Variants in UBQLN3 observed in about 807,000 individuals in gnomAD.
UBQLN3 encodes ubiquilin-3.
In UBQLN3, 1 loss-of-function variant was observed where a neutral mutation model predicts 2.9. The observed-to-expected ratio is 0.35, with a 90% confidence interval of 0.12 to 1.66. UBQLN3 has a LOEUF of 1.66. Ranked by LOEUF, UBQLN3 falls within the 40% of genes most tolerant of loss-of-function variation. The probability of loss-of-function intolerance (pLI) is 0.35; values close to 1 mark genes in which losing one functional copy is unlikely to be tolerated. For missense variants in UBQLN3, 924 were observed against 816.5 expected (o/e 1.13, Z -1.61); for synonymous variants, 358 against 317.6 (o/e 1.13, Z -1.35).
Position 5,507,947 on chromosome 11 carries a change from C to T in UBQLN3, c.1612G>A (p.Ala538Thr). The T allele has an allele frequency of 6.2e-7, 1 of 1,613,970 alleles. No individual in the cohort carries two copies. The highest frequency in any genetic ancestry group is 8.5e-7 in the Non-Finnish European group (1 of 1,180,024). ...ATGAACCAGAGTAGGAGGCGAGGTG[C>T]TTCAGTAGCTAGGACCTGTAGACCC... ...EQGLQVLATE[A>T]PRLLLWFMPC... is the part of the protein sequence containing the mutation. Residue 538 changes from alanine to threonine, a missense_variant, in exon 2 of 2, where the codon GCA (alanine) becomes ACA (threonine). Physicochemically the swap from Ala to Thr is moderately conservative, Grantham distance 58. Transcript: ENST00000311659.
At chr11:5,509,624 C>A (rs1453611294) in intron 1 of UBQLN3, 30 bp from the exon 2 acceptor site, 5 of 1,539,320 alleles carry the variant, frequency 3.2e-6, no homozygotes, top group South Asian at 1.3e-5. Flanking sequence ...AGACCAAGAT[C>A]ATCCTTTCAG....
In UBQLN3 at chr11:5,508,681, G is replaced by A. The variant is rs187834434; in HGVS notation, c.878C>T (p.Pro293Leu). The change falls in exon 2 of 2, where the codon CCT becomes CTT. Residue 293 changes from proline (P) to leucine (L), a missense_variant. Physicochemically the swap from Pro to Leu is moderately conservative, Grantham distance 98 (BLOSUM62 -3). Coordinates refer to ENST00000311659, the MANE Select transcript of UBQLN3 (RefSeq NM_017481.4). This position sits in a 1 kb window ranked among gnomAD's most constrained non-coding sequence, Gnocchi z 4.2. ...TDNATTTTSQPSRMENCDPLP... is the reference protein window; with the variant it reads ...TDNATTTTSQLSRMENCDPLP... ...AGGGTCACAATTCTCCATCCTTGAA[G>A]GTTGGCTGGTGGTGGTGGTGGCATT... 19 of 1,614,096 alleles carry A rather than the reference G, an allele frequency of 1.2e-5. No individual in the cohort carries two copies. The highest frequency in any genetic ancestry group is 1.6e-4 in the Middle Eastern group (1 of 6,062).
At position 5,508,170 on chromosome 11, in the gene UBQLN3, G is replaced by T. The variant is rs543749716; in HGVS notation, c.1389C>A (p.Ser463=). 1 of 1,614,176 alleles carries T rather than the reference G, an allele frequency of 6.2e-7. No individual in the cohort carries two copies. The highest frequency in any genetic ancestry group is 1.3e-5 in the African/African-American group (1 of 75,040). Residue 463 remains serine (S), a synonymous_variant, in exon 2 of 2, where the codon TCC becomes TCA. Transcript: ENST00000311659. This position sits in a 1 kb window ranked among gnomAD's most constrained non-coding sequence, Gnocchi z 4.2. ...GGATTCCAGGAATGGCTGCCGTGGG[G>T]GAAAAAGATAAGGGAGCAAATGGAA... The part of the protein sequence containing the change: ...NRVPFAPLSF[S]PTAAIPGIPE...
Position 5,507,492 on chromosome 11 carries a change from G to C in UBQLN3, c.*99C>G. ...CAGCAAAGGACTTCATAGTAAATTT[G>C]GTTTATAATGCAGCTGTATTCAAAA... On this transcript the variant is annotated 3_prime_UTR_variant, in exon 2 of 2. Transcript: ENST00000311659. 6.6e-7 allele frequency: 1 copy of C among 1,508,222 alleles called. No individual in the cohort carries two copies. The highest frequency in any genetic ancestry group is 8.9e-7 in the Non-Finnish European group (1 of 1,129,766). The allele number at this position is 1,508,222 out of a possible 1,614,324, so 93.4% of individuals were successfully genotyped here.
Position 5,508,842 on chromosome 11 carries a change from C to T in UBQLN3, c.717G>A (p.Arg239=), listed in dbSNP as rs1289382129. ...MMQEMIRSQD[R]VLSNLESIPG... ...GAATGCTCTCCAAGTTACTGAGCAC[C>T]CGGTCCTGGCTACGTATCATCTCCT... is the stretch of plus-strand genomic sequence containing the variant. Residue 239 remains arginine, a synonymous_variant, in exon 2 of 2, where the codon CGG becomes CGA. Transcript: ENST00000311659. The surrounding 1 kb of genome is among the most constrained non-coding windows in gnomAD (Gnocchi z 4.2). The T allele has an allele frequency of 1.2e-6, 2 of 1,614,160 alleles. No individual in the cohort carries two copies. Among genetic ancestry groups the T allele is most frequent in the South Asian group, 2.2e-5 (2 of 91,080 alleles).
In UBQLN3 at chr11:5,508,758, G is replaced by C. The variant is rs139419565; in HGVS notation, c.801C>G (p.Asn267Lys). 2 of 1,614,078 alleles carry C rather than the reference G, an allele frequency of 1.2e-6. No homozygotes were observed. The highest frequency in any genetic ancestry group is 1.7e-6 in the Non-Finnish European group (2 of 1,180,022). ...MYTDIMDPML[N>K]AVQEQFGGNP... ...TGCCGCCAAACTGCTCCTGGACTGC[G>C]TTAAGCATTGGGTCCATAATATCTG... The change falls in exon 2 of 2, where the codon AAC becomes AAG. Residue 267 changes from asparagine (N) to lysine (K), a missense_variant. By Grantham distance (94) the Asn-to-Lys change is moderately conservative. Transcript: ENST00000311659. The surrounding 1 kb of genome is among the most constrained non-coding windows in gnomAD (Gnocchi z 4.2).
chr11:5,508,874 TGGCAGGG>T lies in UBQLN3; in HGVS notation c.678_684del (p.Asn226LysfsTer2). On this transcript the variant is annotated frameshift_variant, in exon 2 of 2. Transcript: ENST00000311659. LOFTEE classifies it low-confidence loss of function (END_TRUNC). This position sits in a 1 kb window ranked among gnomAD's most constrained non-coding sequence, Gnocchi z 4.2. ...TGGCTACGTATCATCTCCTGCATCA[TGGCAGGG>T]TTACGTAAAAACTCCAGTGTCTGCC... 6.2e-7 allele frequency: 1 copy of T among 1,614,222 alleles called. No homozygotes were observed. The highest frequency in any genetic ancestry group is 8.5e-7 in the Non-Finnish European group (1 of 1,180,048).
Position 5,509,092 on chromosome 11 carries a change from G to C in UBQLN3, c.467C>G (p.Ser156Cys). 1 of 1,614,174 alleles carries C rather than the reference G, an allele frequency of 6.2e-7. No individual in the cohort carries two copies. Among genetic ancestry groups the C allele is most frequent in the Non-Finnish European group, 8.5e-7 (1 of 1,180,030 alleles). ...AYRGFPDQPS[S>C]LMRQHVSVPE... The stretch of plus-strand genomic sequence containing the variant: ...CACAGACACATGCTGCCGCATCAGG[G>C]AGCTTGGCTGGTCAGGGAAGCCACG... The change falls in exon 2 of 2, where the codon TCC becomes TGC. Residue 156 changes from serine (S) to cysteine (C), a missense_variant. Coordinates refer to ENST00000311659, the MANE Select transcript of UBQLN3 (RefSeq NM_017481.4).
chr11:5,507,943 G>C lies in UBQLN3; in HGVS notation c.1616C>G (p.Pro539Arg). ...QGLQVLATEA[P>R]RLLLWFMPCL... ...AGGCATGAACCAGAGTAGGAGGCGAGGTGCTTCAGTAGCTAGGACCTGTAG... is the reference window on the plus strand; with the variant it reads ...AGGCATGAACCAGAGTAGGAGGCGACGTGCTTCAGTAGCTAGGACCTGTAG... Residue 539 changes from proline (P) to arginine (R), a missense_variant, in exon 2 of 2, where the codon CCT (proline) becomes CGT (arginine). By Grantham distance (103) the Pro-to-Arg change is moderately radical. Coordinates refer to ENST00000311659, the MANE Select transcript of UBQLN3 (RefSeq NM_017481.4). The C allele has an allele frequency of 6.2e-7, 1 of 1,613,956 alleles. No individual in the cohort carries two copies. Among genetic ancestry groups the C allele is most frequent in the East Asian group, 2.2e-5 (1 of 44,856 alleles).
In UBQLN3 at chr11:5,509,545, C is replaced by CAG; in HGVS notation, c.13_14insCT (p.Gly5AlafsTer21). 1 of 1,612,902 alleles carries CAG rather than the reference C, an allele frequency of 6.2e-7. No individual in the cohort carries two copies. Among genetic ancestry groups the CAG allele is most frequent in the East Asian group, 2.2e-5 (1 of 44,860 alleles). ...TGGGCTGCCCTGTGGCAGGGCTTCT[C>CAG]CACCTTTGGCCATGGTGGCAGCAGG... On this transcript the variant is annotated frameshift_variant, in exon 2 of 2. Transcript: ENST00000311659. LOFTEE classifies it low-confidence loss of function (END_TRUNC).
Position 5,509,076 on chromosome 11 carries a change from A to C in UBQLN3, c.483T>G (p.His161Gln). The change falls in exon 2 of 2, where the codon CAT (histidine) becomes CAG (glutamine). Residue 161 changes from histidine to glutamine, a missense_variant. Physicochemically the swap from His to Gln is conservative, Grantham distance 24. Transcript: ENST00000311659. Reference sequence around the variant, plus strand: ...GAGTCACAAACTCAGGCACAGACACATGCTGCCGCATCAGGGAGCTTGGCT... The same window carrying C: ...GAGTCACAAACTCAGGCACAGACACCTGCTGCCGCATCAGGGAGCTTGGCT... ...PDQPSSLMRQ[H>Q]VSVPEFVTQL... The C allele has an allele frequency of 6.2e-7, 1 of 1,614,178 alleles. No homozygotes were observed. The highest frequency in any genetic ancestry group is 1.1e-5 in the South Asian group (1 of 91,074).
rs1846433129 is a variant in UBQLN3, at chr11:5,509,082, C to A, written c.477G>T (p.Arg159=). 1 of 1,614,166 alleles carries A rather than the reference C, an allele frequency of 6.2e-7. No individual in the cohort carries two copies. The highest frequency in any genetic ancestry group is 1.3e-5 in the African/African-American group (1 of 75,048). The change falls in exon 2 of 2, where the codon CGG becomes CGT. Residue 159 remains arginine (R), a synonymous_variant. Transcript: ENST00000311659. ...GFPDQPSSLM[R]QHVSVPEFVT... is the part of the protein sequence containing the mutation. ...CAAACTCAGGCACAGACACATGCTG[C>A]CGCATCAGGGAGCTTGGCTGGTCAG...
rs748665723 is a variant in UBQLN3 at position 5,508,032 on chromosome 11, CA to C, written c.1526del (p.Met509SerfsTer26). The C allele has an allele frequency of 4.3e-6, 7 of 1,614,006 alleles. No individual in the cohort carries two copies. The Admixed American group carries it at 1.2e-4, about 27-fold the overall frequency. ...DEIQPQLPLL[M>X]HLQAAMANPR... ...GGTTTGCCATGGCTGCCTGAAGGTG[CA>C]TCAGCAGTGGCAGCTGTGGTTGTAT... On this transcript the variant is annotated frameshift_variant, in exon 2 of 2. Transcript: ENST00000311659. LOFTEE classifies it low-confidence loss of function (END_TRUNC). The surrounding 1 kb of genome is among the most constrained non-coding windows in gnomAD (Gnocchi z 4.2).
Position 5,507,587 on chromosome 11 carries a change from G to C in UBQLN3, c.*4C>G, listed in dbSNP as rs148693291. On this transcript the variant is annotated 3_prime_UTR_variant, in exon 2 of 2. Coordinates refer to ENST00000311659, the MANE Select transcript of UBQLN3 (RefSeq NM_017481.4). ...AAAACGTATGGTTTGAATGAATAAGGCTCCTACGACTGTCTCAGCTTCTCC... is the reference window on the plus strand; with the variant it reads ...AAAACGTATGGTTTGAATGAATAAGCCTCCTACGACTGTCTCAGCTTCTCC... The C allele has an allele frequency of 1.5e-4, 246 of 1,589,004 alleles. No individual in the cohort carries two copies. The African/African-American group carries it at 2.9e-3, about 19-fold the overall frequency.
chr11:5,507,489 T>C lies in UBQLN3; in HGVS notation c.*102A>G. The C allele has an allele frequency of 1.3e-6, 2 of 1,506,246 alleles. No homozygotes were observed. Among genetic ancestry groups the C allele is most frequent in the Non-Finnish European group, 1.8e-6 (2 of 1,128,662 alleles). 93.3% of individuals were successfully genotyped at this position (1,506,246 alleles called of 1,614,324 possible). On this transcript the variant is annotated 3_prime_UTR_variant, in exon 2 of 2. Coordinates refer to ENST00000311659, the MANE Select transcript of UBQLN3 (RefSeq NM_017481.4). The stretch of plus-strand genomic sequence containing the variant: ...CCACAGCAAAGGACTTCATAGTAAA[T>C]TTGGTTTATAATGCAGCTGTATTCA...
chr11:5,508,843 C>A lies in UBQLN3; in HGVS notation c.716G>T (p.Arg239Leu). 3 of 1,614,178 alleles carry A rather than the reference C, an allele frequency of 1.9e-6. No homozygotes were observed. Among genetic ancestry groups the A allele is most frequent in the Non-Finnish European group, 2.5e-6 (3 of 1,180,050 alleles). The change falls in exon 2 of 2, where the codon CGG becomes CTG. Residue 239 changes from arginine (R) to leucine (L), a missense_variant. Transcript: ENST00000311659. The surrounding 1 kb of genome is among the most constrained non-coding windows in gnomAD (Gnocchi z 4.2). ...MMQEMIRSQD[R>L]VLSNLESIPG... ...AATGCTCTCCAAGTTACTGAGCACC[C>A]GGTCCTGGCTACGTATCATCTCCTG... is the stretch of plus-strand genomic sequence containing the variant.
chr11:5,508,695 G>T lies in UBQLN3; in HGVS notation c.864C>A (p.Thr288=). Residue 288 remains threonine (T), a synonymous_variant, in exon 2 of 2, where the codon ACC becomes ACA. Coordinates refer to ENST00000311659, the MANE Select transcript of UBQLN3 (RefSeq NM_017481.4). The surrounding 1 kb of genome is among the most constrained non-coding windows in gnomAD (Gnocchi z 4.2). ...CCATCCTTGAAGGTTGGCTGGTGGT[G>T]GTGGTGGCATTATCAGTAGTGGCAG... ...FATATTDNAT[T]TTSQPSRMEN... is the part of the protein sequence containing the mutation. 6.2e-7 allele frequency: 1 copy of T among 1,614,040 alleles called. No individual in the cohort carries two copies. The highest frequency in any genetic ancestry group is 8.5e-7 in the Non-Finnish European group (1 of 1,180,024).
rs1156811079 is a variant in UBQLN3, at chr11:5,508,037, G to C, written c.1522C>G (p.Leu508Val). Residue 508 changes from leucine (L) to valine (V), a missense_variant, in exon 2 of 2, where the codon CTG (leucine) becomes GTG (valine). By Grantham distance (32) the Leu-to-Val change is conservative (BLOSUM62 1). Coordinates refer to ENST00000311659, the MANE Select transcript of UBQLN3 (RefSeq NM_017481.4). This position sits in a 1 kb window ranked among gnomAD's most constrained non-coding sequence, Gnocchi z 4.2. The stretch of plus-strand genomic sequence containing the variant: ...GCCATGGCTGCCTGAAGGTGCATCA[G>C]CAGTGGCAGCTGTGGTTGTATCTCA... ...QDEIQPQLPL[L>V]MHLQAAMANP... 6.2e-7 allele frequency: 1 copy of C among 1,613,938 alleles called. No homozygotes were observed. Among genetic ancestry groups the C allele is most frequent in the Non-Finnish European group, 8.5e-7 (1 of 1,180,050 alleles).
At position 5,507,535 on chromosome 11, in the gene UBQLN3, CT is replaced by C; in HGVS notation, c.*55del. On this transcript the variant is annotated 3_prime_UTR_variant, in exon 2 of 2. Coordinates refer to ENST00000311659, the MANE Select transcript of UBQLN3 (RefSeq NM_017481.4). Reference sequence around the variant, plus strand: ...ATTCAAAAATGGGAGAGCTAGGGAACTAGGATATGGGAAAAAGGCACAGAGG... The same window carrying C: ...ATTCAAAAATGGGAGAGCTAGGGAACAGGATATGGGAAAAAGGCACAGAGG... 1 of 1,525,200 alleles carries C rather than the reference CT, an allele frequency of 6.6e-7. No individual in the cohort carries two copies. Among genetic ancestry groups the C allele is most frequent in the Middle Eastern group, 1.8e-4 (1 of 5,638 alleles). 94.5% of individuals were successfully genotyped at this position (1,525,200 alleles called of 1,614,324 possible).
Sources: allele counts gnomAD v4.1 joint callset, GRCh38; gene constraint gnomAD v4.1.1; non-coding constraint Gnocchi (gnomAD v3.1); transcripts MANE v1.5; gene names NCBI Gene and HGNC (gene_info 2026-07-23, HGNC 2026-07-21).